SLC14A2: variants seen among roughly 807,000 people sequenced by gnomAD.
SLC14A2 encodes the protein solute carrier family 14 member 2, also known as urea transporter 2.
SLC14A2 carries 91 observed loss-of-function variants against 104.6 expected under a neutral mutation model. The observed-to-expected ratio is 0.87, with a 90% CI of 0.73 to 1.04. The LOEUF is 1.04. SLC14A2 is among the 50% of genes least tolerant of loss of function. The probability of loss-of-function intolerance (pLI) is 0.00; values close to 1 mark genes in which losing one functional copy is unlikely to be tolerated. For synonymous variants in SLC14A2, 476 were observed against 466.4 expected (o/e 1.02, Z -0.27); for missense variants, 1,189 against 1,156.0 (o/e 1.03, Z -0.41).
intron 1 of SLC14A2, among the ~76,000 whole-genome samples, chr18:45,322,289 G>T (rs1233691247): frequency 6.6e-6 from 1 of 152,184 alleles, no homozygotes; most frequent in Non-Finnish European, 1.5e-5. Flanking sequence ...CCTGGAGCCT[G>T]GAGGTTGTGG....
chr18:45,645,610 T>A (rs954134861), intron 10 of SLC14A2, among the ~76,000 whole-genome samples: 3 of 143,436 alleles, frequency 2.1e-5, no homozygotes, highest in African/African-American at 7.7e-5. Flanking sequence ...TTGGTCTTTT[T>A]AAATATATAT....
At chr18:45,295,927 G>C (rs2084914191) in intron 1 of SLC14A2, among the ~76,000 whole-genome samples, 1 of 152,252 alleles carries the variant, frequency 6.6e-6, no homozygotes, top group African/African-American at 2.4e-5. Flanking sequence ...AGAGGCTGTT[G>C]TGAGCATAAA....
chr18:45,477,546 A>G (rs2087406209), intron 1 of SLC14A2, among the ~76,000 whole-genome samples: 3 of 152,192 alleles, frequency 2.0e-5, no homozygotes, highest in Admixed American at 2.0e-4. Flanking sequence ...CAGAGTCGGC[A>G]GGCAGGAACA....
At chr18:45,292,177 C>T (rs1212045780) in intron 1 of SLC14A2, among the ~76,000 whole-genome samples, 53 of 152,290 alleles carry the variant, frequency 3.5e-4, no homozygotes, top group Admixed American at 3.4e-3. Flanking sequence ...GAAGTGCCTG[C>T]AAAATATGTC....
chr18:45,396,934 T>A (rs1207562609), intron 1 of SLC14A2, among the ~76,000 whole-genome samples: 2 of 152,186 alleles, frequency 1.3e-5, no homozygotes, highest in African/African-American at 4.8e-5. Context: ...TTTCTGTTCC[T>A]GCCTTAGTTT....
chr18:45,185,651 T>C, the SLC14A2 span, among the ~76,000 whole-genome samples: 7 of 152,076 alleles, frequency 4.6e-5, no homozygotes, highest in African/African-American at 1.7e-4. Context: ...CAGTGAAATA[T>C]GGCAAGAAAG....
the SLC14A2 span, among the ~76,000 whole-genome samples, chr18:45,181,949 A>G: frequency 1.9e-3 from 284 of 152,260 alleles, no homozygotes; most frequent in Non-Finnish European, 3.4e-3. Context: ...AGGAAATCAA[A>G]AGTACAATTA....
chr18:45,287,317 T>C (rs1315187931), intron 1 of SLC14A2, among the ~76,000 whole-genome samples: 1 of 152,218 alleles, frequency 6.6e-6, no homozygotes, highest in Non-Finnish European at 1.5e-5. Flanking sequence ...TTACTACAAC[T>C]TGCAATAACA....
intron 1 of SLC14A2, among the ~76,000 whole-genome samples, chr18:45,313,635 A>G (rs1432510674): frequency 6.6e-6 from 1 of 152,226 alleles, no homozygotes; most frequent in African/African-American, 2.4e-5. Flanking sequence ...ACAGTGCCTC[A>G]GTTTCCTTAC....
chr18:45,620,705 C>A (rs928550430), intron 1 of SLC14A2, among the ~76,000 whole-genome samples: 1 of 152,080 alleles, frequency 6.6e-6, no homozygotes, highest in South Asian at 2.1e-4. Flanking sequence ...GAAATAATTT[C>A]TGAGTATACC....
chr18:45,427,895 C>T (rs905489058), intron 1 of SLC14A2, among the ~76,000 whole-genome samples: 2 of 152,172 alleles, frequency 1.3e-5, no homozygotes, highest in African/African-American at 2.4e-5. Flanking sequence ...CTCAGGGCTT[C>T]GCTCTCCTCA....
chr18:45,178,789 C>G, the SLC14A2 span, among the ~76,000 whole-genome samples: 1 of 89,602 alleles, frequency 1.1e-5, no homozygotes, highest in Admixed American at 9.9e-5. Flanking sequence ...GCAAAAGATT[C>G]TTCAACTTAC....
At chr18:45,301,716 A>G (rs1040466842) in intron 1 of SLC14A2, among the ~76,000 whole-genome samples, 9 of 152,290 alleles carry the variant, frequency 5.9e-5, no homozygotes, top group Non-Finnish European at 1.2e-4. Context: ...AAGAAAATGC[A>G]ATCCATTGAC....
At chr18:45,623,224 T>C (rs1038389513) in intron 1 of SLC14A2, among the ~76,000 whole-genome samples, 3 of 152,074 alleles carry the variant, frequency 2.0e-5, no homozygotes, top group African/African-American at 7.2e-5. Context: ...CCAGTGTGTG[T>C]GATATTAAGC....
chr18:45,344,816 G>A (rs1056151853), intron 1 of SLC14A2, among the ~76,000 whole-genome samples: 1 of 152,294 alleles, frequency 6.6e-6, no homozygotes, highest in Non-Finnish European at 1.5e-5. Flanking sequence ...TGCATGACCC[G>A]TCACGTAAAC....
chr18:45,555,152 G>A (rs2044113623), intron 2 of SLC14A2, among the ~76,000 whole-genome samples: 1 of 152,192 alleles, frequency 6.6e-6, no homozygotes, highest in South Asian at 2.1e-4. Context: ...TCAGCTATAA[G>A]GGTTCCAGGA....
chr18:45,269,022 C>G (rs1241295530), intron 1 of SLC14A2, among the ~76,000 whole-genome samples: 1 of 148,072 alleles, frequency 6.8e-6, no homozygotes, highest in Non-Finnish European at 1.5e-5. Flanking sequence ...GGGTCACTAA[C>G]AATGATCATT....
At chr18:45,418,167 T>A (rs879186615) in intron 1 of SLC14A2, among the ~76,000 whole-genome samples, 1 of 152,182 alleles carries the variant, frequency 6.6e-6, no homozygotes, top group Admixed American at 6.5e-5. Flanking sequence ...ATTATGGTAG[T>A]TGTAAATGCC....
At chr18:45,543,988 T>C (rs1038353836) in intron 2 of SLC14A2, among the ~76,000 whole-genome samples, 35 of 152,334 alleles carry the variant, frequency 2.3e-4, no homozygotes, top group African/African-American at 8.4e-4. Context: ...CCCTGGTGGA[T>C]AGCACTTTAC....
Sources: gnomAD v4.1 joint callset for allele counts (sites outside exome capture counted in the v4.1 genomes callset) on GRCh38, gnomAD v4.1.1 for gene constraint, MANE v1.5 for transcripts, NCBI Gene and HGNC (gene_info 2026-07-23, HGNC 2026-07-21) for gene names.